The following PLD2 variants were observed in gnomAD, a reference collection of about 807,000 sequenced individuals.
PLD2 encodes the protein choline phosphatase 2.
In PLD2, 101 loss-of-function variants were observed where a neutral mutation model predicts 119.8. That is an observed-to-expected ratio of 0.84 (90% confidence interval 0.72 to 0.99). The LOEUF (loss-of-function observed/expected upper bound fraction) is 0.99. PLD2 is among the 50% of genes least tolerant of loss of function. The pLI, the probability that PLD2 is intolerant of heterozygous loss-of-function variation, is 0.00. For synonymous variants in PLD2, 494 were observed against 482.8 expected (o/e 1.02, Z -0.30); for missense variants, 1,164 against 1,226.8 (o/e 0.95, Z 0.76).
Position 4,821,856 on chromosome 17 carries a change from C to A in PLD2, c.2526C>A (p.Phe842Leu). The change falls in exon 24 of 25, where the codon TTC (phenylalanine) becomes TTA (leucine). Residue 842 changes from phenylalanine (F) to leucine (L), a missense_variant. Phe to Leu is a conservative substitution (Grantham distance 22). Transcript: ENST00000263088. ...LDLRDPICDD[F>L]FQLWQDMAES... Reference sequence around the variant, plus strand: ...TCCGAGACCCCATCTGTGATGACTTCTTCCAGTTGTGGCAAGACATGGCTG... The same window carrying A: ...TCCGAGACCCCATCTGTGATGACTTATTCCAGTTGTGGCAAGACATGGCTG... 3 of 1,614,056 alleles carry A rather than the reference C, an allele frequency of 1.9e-6. No individual in the cohort carries two copies. Among genetic ancestry groups the A allele is most frequent in the Non-Finnish European group, 2.5e-6 (3 of 1,179,984 alleles).
Position 4,809,537 on chromosome 17 carries a change from G to A in PLD2, c.600G>A (p.Leu200=). 6.2e-7 allele frequency: 1 copy of A among 1,606,134 alleles called. No homozygotes were observed. The highest frequency in any genetic ancestry group is 8.5e-7 in the Non-Finnish European group (1 of 1,174,898). The change falls in exon 7 of 25, where the codon TTG becomes TTA. Residue 200 remains leucine, a synonymous_variant. Transcript: ENST00000263088. ...EVSQLSFIPD[L]GRKGLEGMIR... ...GTCAGCTGTCCTTTATCCCGGACTTGGGCCGCAAAGGACTGTGAGTGTCTG... is the reference window on the plus strand; with the variant it reads ...GTCAGCTGTCCTTTATCCCGGACTTAGGCCGCAAAGGACTGTGAGTGTCTG...
chr17:4,819,516 C>A lies in PLD2; in HGVS notation c.2396C>A (p.Ser799Tyr). ...VLIEDTETEPSLMNGAEYQAG... is the reference protein window; with the variant it reads ...VLIEDTETEPYLMNGAEYQAG... ...ATCGAGGACACAGAGACGGAACCAT[C>A]CCTCATGAATGGGGCAGAGTATCAG... The change falls in exon 23 of 25, where the codon TCC becomes TAC. Residue 799 changes from serine to tyrosine, a missense_variant. By Grantham distance (144) the Ser-to-Tyr change is moderately radical (BLOSUM62 -2). Coordinates refer to ENST00000263088, the MANE Select transcript of PLD2 (RefSeq NM_002663.5). This position sits in a 1 kb window ranked among gnomAD's most constrained non-coding sequence, Gnocchi z 4.2. 6.2e-7 allele frequency: 1 copy of A among 1,614,082 alleles called. No homozygotes were observed. The highest frequency in any genetic ancestry group is 8.5e-7 in the Non-Finnish European group (1 of 1,180,008).
At position 4,821,679 on chromosome 17, in the gene PLD2, G is replaced by A. The variant is rs149450316; in HGVS notation, c.2463-114G>A. The A allele has an allele frequency of 6.7e-4, 479 of 720,290 alleles. 1 individual carries two copies. The highest frequency in any genetic ancestry group is 1.1e-3 in the Non-Finnish European group (444 of 406,476). 44.6% of individuals were successfully genotyped at this position (720,290 alleles called of 1,614,324 possible). The stretch of plus-strand genomic sequence containing the variant: ...CAAAGTGCTGGGAATACAGGCGTGA[G>A]CCACCGCACCCAGCCAATTTTGAAT... On this transcript the variant is annotated intron_variant, in intron 23 of 24. Coordinates refer to ENST00000263088, the MANE Select transcript of PLD2 (RefSeq NM_002663.5).
intron 4 of PLD2, 74 bp from the exon 5 acceptor site, chr17:4,809,026 A>T: frequency 8.6e-7 from 1 of 1,157,960 alleles, no homozygotes; most frequent in African/African-American, 1.5e-5. Flanking sequence ...TCCGAGCCCC[A>T]TCTCCAGTGT....
At position 4,807,717 on chromosome 17, in the gene PLD2, G is replaced by A. The variant is rs1597318016; in HGVS notation, c.-1-55G>A. On this transcript the variant is annotated intron_variant, in intron 1 of 24. Coordinates refer to ENST00000263088, the MANE Select transcript of PLD2 (RefSeq NM_002663.5). The surrounding 1 kb of genome is among the most constrained non-coding windows in gnomAD (Gnocchi z 5.4). Reference sequence around the variant, plus strand: ...ATGGAGGACCTGCGGGAGTTAGGATGGGGGGCGGGTTCTGCAGGACAGCTC... The same window carrying A: ...ATGGAGGACCTGCGGGAGTTAGGATAGGGGGCGGGTTCTGCAGGACAGCTC... 1 of 965,424 alleles carries A rather than the reference G, an allele frequency of 1.0e-6. No homozygotes were observed. 59.8% of individuals were successfully genotyped at this position (965,424 alleles called of 1,614,324 possible).
chr17:4,821,834 G>A lies in PLD2; in HGVS notation c.2504G>A (p.Arg835Gln), dbSNP rs142690419. The change falls in exon 24 of 25, where the codon CGA (arginine) becomes CAA (glutamine). Residue 835 changes from arginine to glutamine, a missense_variant. By Grantham distance (43) the Arg-to-Gln change is conservative (BLOSUM62 1). Coordinates refer to ENST00000263088, the MANE Select transcript of PLD2 (RefSeq NM_002663.5). The stretch of plus-strand genomic sequence containing the variant: ...AATACCCGGCCAGACTTGGATCTCC[G>A]AGACCCCATCTGTGATGACTTCTTC... Reference protein sequence around the residue: ...GANTRPDLDLRDPICDDFFQL... With the variant: ...GANTRPDLDLQDPICDDFFQL... 7.6e-5 allele frequency: 122 copies of A among 1,614,044 alleles called. 1 individual carries two copies. The African/African-American group carries it at 1.2e-3, about 16-fold the overall frequency.
In PLD2 at chr17:4,819,626, G is replaced by A. The variant is rs1005148363; in HGVS notation, c.2462+44G>A. On this transcript the variant is annotated intron_variant, in intron 23 of 24. Transcript: ENST00000263088. This position sits in a 1 kb window ranked among gnomAD's most constrained non-coding sequence, Gnocchi z 4.2. The stretch of plus-strand genomic sequence containing the variant: ...GCCACAGGGTGGGAGGGAGATGGGG[G>A]CGTCTGCCTTTTGAGCAGGACAAGA... 3.8e-6 allele frequency: 6 copies of A among 1,559,626 alleles called. No individual in the cohort carries two copies. The African/African-American group carries it at 4.1e-5, about 11-fold the overall frequency.
Position 4,808,243 on chromosome 17 carries a change from G to T in PLD2, c.241-31G>T, listed in dbSNP as rs566549460. 6 of 1,611,580 alleles carry T rather than the reference G, an allele frequency of 3.7e-6. No individual in the cohort carries two copies. In the South Asian group the frequency reaches 5.5e-5, roughly 15 times the overall value. On this transcript the variant is annotated intron_variant, in intron 3 of 24. Coordinates refer to ENST00000263088, the MANE Select transcript of PLD2 (RefSeq NM_002663.5). This position sits in a 1 kb window ranked among gnomAD's most constrained non-coding sequence, Gnocchi z 4.1. ...AGTGGGGAGGCGGGGACCCACGCAGGGGACATCCATTCAGTTCCTCATACC... is the reference window on the plus strand; with the variant it reads ...AGTGGGGAGGCGGGGACCCACGCAGTGGACATCCATTCAGTTCCTCATACC...
rs373212747 is a variant in PLD2, at chr17:4,823,091, C to G, written c.*227C>G. 162 of 537,566 alleles carry G rather than the reference C, an allele frequency of 3.0e-4. 1 individual carries two copies. In the South Asian group the frequency reaches 3.9e-3, roughly 13 times the overall value. 33.3% of individuals were successfully genotyped at this position (537,566 alleles called of 1,614,324 possible). A position where few individuals can be genotyped will look rare whatever the true frequency, so the allele number is the denominator to read the frequency against. ...GGAGAGAGTCCCAGAGCTCATCCCC[C>G]CTGCTGCCCAGTGCAAACCACTTCT... is the stretch of plus-strand genomic sequence containing the variant. On this transcript the variant is annotated 3_prime_UTR_variant, in exon 25 of 25. Transcript: ENST00000263088.
At chr17:4,821,731 T>G in intron 23 of PLD2, 62 bp from the exon 24 acceptor site, 1 of 1,195,424 alleles carries the variant, frequency 8.4e-7, no homozygotes, top group Non-Finnish European at 1.2e-6. Flanking sequence ...ATGTAACTTT[T>G]CTGGTACTCA....
At position 4,816,928 on chromosome 17, in the gene PLD2, A is replaced by T; in HGVS notation, c.1583-9A>T. ...TGACATCTCCCCTGACTCTCCTGGGACCCCCCAGATTTCATTGACAGGGAG... is the reference window on the plus strand; with the variant it reads ...TGACATCTCCCCTGACTCTCCTGGGTCCCCCCAGATTTCATTGACAGGGAG... On this transcript the variant is annotated splice_polypyrimidine_tract_variant and intron_variant, in intron 15 of 24. Coordinates refer to ENST00000263088, the MANE Select transcript of PLD2 (RefSeq NM_002663.5). 1.9e-6 allele frequency: 3 copies of T among 1,607,140 alleles called. No individual in the cohort carries two copies. Among genetic ancestry groups the T allele is most frequent in the South Asian group, 2.2e-5 (2 of 90,460 alleles).
chr17:4,811,933 G>A (rs1906516422), intron 10 of PLD2, among the ~76,000 whole-genome samples: 1 of 152,022 alleles, frequency 6.6e-6, no homozygotes, highest in South Asian at 2.1e-4. Flanking sequence ...TCCTGCCTCA[G>A]CCTCCCAAGT....
At chr17:4,813,728 G>A (rs1597327027) in intron 10 of PLD2, among the ~76,000 whole-genome samples, 1 of 152,176 alleles carries the variant, frequency 6.6e-6, no homozygotes, top group South Asian at 2.1e-4. Context: ...GCGTGGTGGC[G>A]GGCGCCTGTA....
At position 4,819,390 on chromosome 17, in the gene PLD2, C is replaced by T. The variant is rs1190559821; in HGVS notation, c.2309-39C>T. ...GGGATGGGGTACTGGGGAGAGTGCC[C>T]TGGGCCCAAGCACACAGTGTGCCCC... On this transcript the variant is annotated intron_variant, in intron 22 of 24. Coordinates refer to ENST00000263088, the MANE Select transcript of PLD2 (RefSeq NM_002663.5). This position sits in a 1 kb window ranked among gnomAD's most constrained non-coding sequence, Gnocchi z 4.2. The T allele has an allele frequency of 1.9e-6, 3 of 1,610,400 alleles. No homozygotes were observed. Among genetic ancestry groups the T allele is most frequent in the Non-Finnish European group, 2.5e-6 (3 of 1,178,312 alleles).
intron 14 of PLD2, among the ~76,000 whole-genome samples, chr17:4,816,410 C>T (rs1016924519): frequency 1.3e-5 from 2 of 151,448 alleles, no homozygotes; most frequent in African/African-American, 4.8e-5. Context: ...TGCTGTCACC[C>T]ACCCAGTCCT....
At chr17:4,820,672 G>A (rs1907582407) in intron 23 of PLD2, among the ~76,000 whole-genome samples, 1 of 149,158 alleles carries the variant, frequency 6.7e-6, no homozygotes, top group Admixed American at 6.7e-5. Context: ...GCCGCCCAGG[G>A]TTCATGCCAT....
At chr17:4,812,997 G>C (rs947165313) in intron 10 of PLD2, among the ~76,000 whole-genome samples, 1 of 150,280 alleles carries the variant, frequency 6.7e-6, no homozygotes, top group East Asian at 1.9e-4. Flanking sequence ...TTGTTTGTTC[G>C]TTTGTTTTGT....
intron 6 of PLD2, 36 bp downstream of exon 6, chr17:4,809,399 G>A (rs764552536): frequency 6.2e-7 from 1 of 1,613,252 alleles, no homozygotes; most frequent in Non-Finnish European, 8.5e-7. Context: ...TGTGGAGCAG[G>A]ATTATCAGAC....
rs17854914 is a variant in PLD2, at chr17:4,818,081, A to T, written c.1895A>T (p.Glu632Val). Residue 632 changes from glutamate (E) to valine (V), a missense_variant, in exon 18 of 25, where the codon GAG (glutamate) becomes GTG (valine). Coordinates refer to ENST00000263088, the MANE Select transcript of PLD2 (RefSeq NM_002663.5). ...ILNAYLHTIR[E>V]SQHFLYIENQ... ...AATGCCTACCTGCACACCATCAGGG[A>T]GAGCCAGCACTTCCTCTACATTGAG... 2.5e-6 allele frequency: 4 copies of T among 1,613,436 alleles called. No individual in the cohort carries two copies. Among genetic ancestry groups the T allele is most frequent in the Admixed American group, 1.7e-5 (1 of 59,998 alleles).
Sources: allele counts gnomAD v4.1 joint callset (sites outside exome capture counted in the v4.1 genomes callset), GRCh38; gene constraint gnomAD v4.1.1; non-coding constraint Gnocchi (gnomAD v3.1); transcripts MANE v1.5; gene names NCBI Gene and HGNC (gene_info 2026-07-23, HGNC 2026-07-21).